The following GHR variants were observed in gnomAD, a reference collection of about 807,000 sequenced individuals.
GHR encodes the protein GH receptor.
Under a neutral mutation model 67.1 loss-of-function variants are expected in GHR, and 35 were observed. The ratio of observed to expected loss-of-function variants is 0.52; its 90% CI spans 0.40 to 0.69. The LOEUF is 0.69. Among genes scored for constraint, GHR ranks in the 30% least tolerant of loss-of-function variants. The probability of loss-of-function intolerance (pLI) is 0.00; values close to 1 mark genes in which losing one functional copy is unlikely to be tolerated. For synonymous variants in GHR, 272 were observed against 269.1 expected (o/e 1.01, Z -0.10); for missense variants, 792 against 764.6 (o/e 1.04, Z -0.42).
intron 1 of GHR, among the ~76,000 whole-genome samples, chr5:42,427,415 C>T (rs984848936): frequency 3.9e-5 from 6 of 152,180 alleles, no homozygotes; most frequent in Middle Eastern, 3.2e-3. Context: ...TCTCATTAGA[C>T]TTATTCACTA....
intron 3 of GHR, among the ~76,000 whole-genome samples, chr5:42,683,210 C>G (rs1756974469): frequency 6.6e-6 from 1 of 152,142 alleles, no homozygotes; most frequent in Non-Finnish European, 1.5e-5. Flanking sequence ...CCATGTTGGT[C>G]AGGCTGGTCT....
At chr5:42,502,095 T>A (rs1746564598) in intron 1 of GHR, among the ~76,000 whole-genome samples, 1 of 152,180 alleles carries the variant, frequency 6.6e-6, no homozygotes, top group South Asian at 2.1e-4. Context: ...GAGTTAGGGA[T>A]TCATAGAGCA....
chr5:42,430,063 C>T (rs1420501904), intron 1 of GHR, among the ~76,000 whole-genome samples: 1 of 152,228 alleles, frequency 6.6e-6, no homozygotes, highest in Non-Finnish European at 1.5e-5. Context: ...CTTGCCAATG[C>T]CACAGGAAAG....
intron 1 of GHR, among the ~76,000 whole-genome samples, chr5:42,447,317 G>A (rs1400901960): frequency 6.6e-6 from 1 of 151,694 alleles, no homozygotes; most frequent in African/African-American, 2.4e-5. Context: ...TCCCTGAGTT[G>A]CCAAAGTCTA....
intron 3 of GHR, among the ~76,000 whole-genome samples, chr5:42,684,961 T>C (rs1757067794): frequency 1.3e-5 from 2 of 152,146 alleles, no homozygotes; most frequent in African/African-American, 2.4e-5. Context: ...ATTATTATTA[T>C]ACTTTAAGTT....
chr5:42,615,264 G>C (rs1344835328), intron 2 of GHR, among the ~76,000 whole-genome samples: 2 of 151,506 alleles, frequency 1.3e-5, no homozygotes, highest in African/African-American at 4.8e-5. Context: ...AGCTTTACCA[G>C]CGACCTATAC....
chr5:42,669,753 A>G (rs1266452746), intron 3 of GHR, among the ~76,000 whole-genome samples: 1 of 152,236 alleles, frequency 6.6e-6, no homozygotes, highest in Non-Finnish European at 1.5e-5. Flanking sequence ...ATGAAAAAGA[A>G]ATTTAGAAAA....
At chr5:42,662,013 A>G (rs1378110813) in intron 3 of GHR, among the ~76,000 whole-genome samples, 1 of 152,226 alleles carries the variant, frequency 6.6e-6, no homozygotes, top group African/African-American at 2.4e-5. Flanking sequence ...AAAGAAGGCC[A>G]TTACATAATG....
intron 2 of GHR, among the ~76,000 whole-genome samples, chr5:42,579,783 C>A (rs1258812512): frequency 6.6e-6 from 1 of 152,150 alleles, no homozygotes; most frequent in Non-Finnish European, 1.5e-5. Flanking sequence ...GATTAAATTT[C>A]ATCAGTCTTA....
At chr5:42,499,401 G>C (rs1242636340) in intron 1 of GHR, among the ~76,000 whole-genome samples, 1 of 152,176 alleles carries the variant, frequency 6.6e-6, no homozygotes, top group Admixed American at 6.5e-5. Context: ...CAAGCTCCAG[G>C]CCTGGGTGGT....
chr5:42,467,651 T>C, intron 1 of GHR: 1 of 1,606,122 alleles, frequency 6.2e-7, no homozygotes, highest in East Asian at 2.2e-5. Context: ...TTCTGTCCAG[T>C]GTGGATTCTC....
intron 3 of GHR, among the ~76,000 whole-genome samples, chr5:42,639,285 A>C (rs1754352180): frequency 6.6e-6 from 1 of 152,198 alleles, no homozygotes; most frequent in Non-Finnish European, 1.5e-5. Flanking sequence ...TTTTTGCTGA[A>C]GAATAAAGAC....
At chr5:42,695,853 C>A (rs547144866) in intron 5 of GHR, among the ~76,000 whole-genome samples, 1 of 152,332 alleles carries the variant, frequency 6.6e-6, no homozygotes, top group African/African-American at 2.4e-5. Context: ...ATAGGAATTT[C>A]TCGTTGCTTC....
Position 42,424,594 on chromosome 5 carries a change from C to G in GHR, c.-12+639C>G, listed in dbSNP as rs1023566603. ...AGTGACAGCCACCAGTCCGCATGAA[C>G]TGGGGTAAGTGGAAATTGTGGCGAG... On this transcript the variant is annotated intron_variant, in intron 1 of 9. Transcript: ENST00000230882. This position sits in a 1 kb window ranked among gnomAD's most constrained non-coding sequence, Gnocchi z 4.1. The G allele has an allele frequency of 2.9e-5, 45 of 1,534,664 alleles. No individual in the cohort carries two copies. Among genetic ancestry groups the G allele is most frequent in the Non-Finnish European group, 3.7e-5 (42 of 1,146,154 alleles).
chr5:42,544,897 T>G (rs1188189268), intron 1 of GHR, among the ~76,000 whole-genome samples: 2 of 152,180 alleles, frequency 1.3e-5, no homozygotes, highest in East Asian at 3.8e-4. Context: ...GAATTAAATT[T>G]GATATTCACA....
intron 1 of GHR, among the ~76,000 whole-genome samples, chr5:42,450,232 C>T (rs561599534): frequency 2.0e-5 from 3 of 152,096 alleles, no homozygotes; most frequent in Admixed American, 6.6e-5. Context: ...AGATAGAATT[C>T]AGCTGTGAAT....
intron 1 of GHR, among the ~76,000 whole-genome samples, chr5:42,477,277 A>C (rs1046958685): frequency 3.9e-5 from 6 of 151,906 alleles, no homozygotes; most frequent in African/African-American, 1.5e-4. Context: ...AATCCAGTCT[A>C]TCATTGTTGG....
chr5:42,458,086 G>C (rs1275720107), intron 1 of GHR, among the ~76,000 whole-genome samples: 1 of 152,128 alleles, frequency 6.6e-6, no homozygotes, highest in Admixed American at 6.5e-5. Context: ...TTATTCTTTT[G>C]CTTAGCAACA....
At chr5:42,586,172 T>G (rs34580109) in intron 2 of GHR, among the ~76,000 whole-genome samples, 27,586 of 152,074 alleles carry the variant, frequency 0.18, 2,734 homozygotes, top group Non-Finnish European at 0.19. Flanking sequence ...ATATATGTTT[T>G]CCTTTCCTCC....
Sources: gnomAD v4.1 joint callset for allele counts (sites outside exome capture counted in the v4.1 genomes callset) on GRCh38, gnomAD v4.1.1 for gene constraint, Gnocchi (gnomAD v3.1) non-coding constraint, MANE v1.5 for transcripts, NCBI Gene and HGNC (gene_info 2026-07-23, HGNC 2026-07-21) for gene names.